The following RAD51B variants were observed in gnomAD, a reference collection of about 807,000 sequenced individuals.
The protein encoded by RAD51B is RAD51 paralog B, also known as DNA repair protein RAD51 homolog 2.
In RAD51B, 38 loss-of-function variants were observed where a neutral mutation model predicts 42.2. That is an observed-to-expected ratio of 0.90 (90% CI 0.70 to 1.18). The LOEUF (loss-of-function observed/expected upper bound fraction) is 1.18, where lower values mean the gene tolerates loss of function less well. Ranked by LOEUF, RAD51B falls within the 50% of genes most tolerant of loss-of-function variation. RAD51B has a pLI of 0.00. For synonymous variants in RAD51B, 154 were observed against 145.2 expected, an observed-to-expected ratio of 1.06 and a Z score of -0.43; for missense variants, 373 against 400.7, an observed-to-expected ratio of 0.93 and a Z score of 0.59.
At chr14:68,640,535 C>A (rs1892438701) in intron 10 of RAD51B, among the ~76,000 whole-genome samples, 1 of 152,164 alleles carries the variant, frequency 6.6e-6, no homozygotes, top group African/African-American at 2.4e-5. Context: ...TCAAAGGAAC[C>A]AAAATTCCTG....
intron 10 of RAD51B, among the ~76,000 whole-genome samples, chr14:68,533,561 T>C (rs1161114308): frequency 6.6e-6 from 1 of 152,218 alleles, no homozygotes; most frequent in Non-Finnish European, 1.5e-5. Flanking sequence ...CCAGTAGTTG[T>C]ACAGATGTCA....
chr14:68,681,599 G>A (rs1217801625), intron 11 of RAD51B, among the ~76,000 whole-genome samples: 2 of 152,216 alleles, frequency 1.3e-5, no homozygotes, highest in Non-Finnish European at 2.9e-5. Flanking sequence ...GGTAGGGAAG[G>A]AATGTGATCA....
intron 7 of RAD51B, among the ~76,000 whole-genome samples, chr14:68,075,344 CTGCAGT>C (rs2076816509): frequency 6.6e-6 from 1 of 152,116 alleles, no homozygotes; most frequent in African/African-American, 2.4e-5. Flanking sequence ...GGTAGTACCA[CTGCAGT>C]GGTACTGGCA....
chr14:68,140,303 C>CGAAA (rs2078100703), intron 7 of RAD51B, among the ~76,000 whole-genome samples: 1 of 152,302 alleles, frequency 6.6e-6, no homozygotes, highest in Non-Finnish European at 1.5e-5. Context: ...TTTTCCTTTT[C>CGAAA]CTGCAACTCA....
chr14:68,455,410 A>G (rs1490496874), intron 9 of RAD51B, among the ~76,000 whole-genome samples: 2 of 152,148 alleles, frequency 1.3e-5, no homozygotes, highest in Non-Finnish European at 2.9e-5. Context: ...GAGTAACTCA[A>G]ATCAGTATGA....
intron 7 of RAD51B, among the ~76,000 whole-genome samples, chr14:67,944,795 A>G (rs1566971564): frequency 6.6e-6 from 1 of 152,164 alleles, no homozygotes; most frequent in Non-Finnish European, 1.5e-5. Context: ...GTGCCAGGCA[A>G]GCTAACCACT....
chr14:68,549,657 G>A (rs935844784), intron 10 of RAD51B, among the ~76,000 whole-genome samples: 2 of 150,854 alleles, frequency 1.3e-5, no homozygotes, highest in Non-Finnish European at 3.0e-5. Flanking sequence ...CTCGTGATCC[G>A]CCCGTCTCGG....
intron 7 of RAD51B, among the ~76,000 whole-genome samples, chr14:68,135,593 C>T (rs1259524772): frequency 6.6e-6 from 1 of 152,120 alleles, no homozygotes; most frequent in Admixed American, 6.6e-5. Context: ...TATTGCCTGT[C>T]AGTATTTCAC....
chr14:67,905,637 T>G (rs903787020), intron 7 of RAD51B, among the ~76,000 whole-genome samples: 1 of 152,124 alleles, frequency 6.6e-6, no homozygotes, highest in Non-Finnish European at 1.5e-5. Flanking sequence ...CCTCCCTGGT[T>G]AGCTGTGTTC....
chr14:68,375,661 T>C (rs540781579), intron 8 of RAD51B, among the ~76,000 whole-genome samples: 57 of 152,236 alleles, frequency 3.7e-4, no homozygotes, highest in Middle Eastern at 6.8e-3. Context: ...TGCTCACAGC[T>C]GTTTCTCTAG....
downstream of RAD51B, among the ~76,000 whole-genome samples, chr14:68,616,494 C>A (rs533970520): frequency 3.0e-3 from 464 of 152,206 alleles, 1 homozygote; most frequent in Middle Eastern, 0.02. Flanking sequence ...CAGCTTTTTT[C>A]AGACTACTTT....
chr14:68,182,004 A>G (rs1267547258), intron 7 of RAD51B, among the ~76,000 whole-genome samples: 3 of 152,220 alleles, frequency 2.0e-5, no homozygotes, highest in Non-Finnish European at 4.4e-5. Context: ...TGCATTATAT[A>G]GATTATGGTT....
chr14:68,038,222 A>G (rs2076163489), intron 7 of RAD51B, among the ~76,000 whole-genome samples: 1 of 152,244 alleles, frequency 6.6e-6, no homozygotes, highest in African/African-American at 2.4e-5. Flanking sequence ...CAAATTAAAA[A>G]GTTGGTATCG....
chr14:68,255,643 G>A (rs1250773263), intron 7 of RAD51B, among the ~76,000 whole-genome samples: 2 of 152,152 alleles, frequency 1.3e-5, no homozygotes, highest in South Asian at 2.1e-4. Flanking sequence ...ACCTAAAGTG[G>A]AACTTTTGAT....
chr14:68,444,811 G>C (rs1270731064), intron 9 of RAD51B, among the ~76,000 whole-genome samples: 1 of 152,124 alleles, frequency 6.6e-6, no homozygotes, highest in Admixed American at 6.5e-5. Context: ...GTGATGGGGG[G>C]GCATATTTCT....
chr14:68,657,794 G>A (rs1892848282), intron 11 of RAD51B, among the ~76,000 whole-genome samples: 1 of 152,182 alleles, frequency 6.6e-6, no homozygotes, highest in Non-Finnish European at 1.5e-5. Context: ...TCTGCTCTGT[G>A]CTCATCAGCT....
intron 8 of RAD51B, among the ~76,000 whole-genome samples, chr14:68,328,761 C>A (rs778050527): frequency 6.6e-6 from 1 of 152,148 alleles, no homozygotes; most frequent in Admixed American, 6.5e-5. Flanking sequence ...TTTGGCCGAG[C>A]CTTCTGGGGA....
At chr14:68,166,729 C>T (rs2078761941) in intron 7 of RAD51B, among the ~76,000 whole-genome samples, 1 of 152,130 alleles carries the variant, frequency 6.6e-6, no homozygotes, top group Non-Finnish European at 1.5e-5. Flanking sequence ...TCCTGATCCC[C>T]AGACTTATTA....
intron 7 of RAD51B, among the ~76,000 whole-genome samples, chr14:67,969,811 G>T (rs923350293): frequency 6.6e-6 from 1 of 151,972 alleles, no homozygotes. Flanking sequence ...AAAAGGACTT[G>T]GTAACTGCCA....
Sources: gnomAD v4.1 joint callset for allele counts (sites outside exome capture counted in the v4.1 genomes callset) on GRCh38, gnomAD v4.1.1 for gene constraint, MANE v1.5 for transcripts, NCBI Gene and HGNC (gene_info 2026-07-23, HGNC 2026-07-21) for gene names.